Variants in RB1 observed in about 807,000 individuals in gnomAD.
The protein encoded by RB1 is RB transcriptional corepressor 1, also known as retinoblastoma-associated protein.
In RB1, 18 loss-of-function variants were observed where a neutral mutation model predicts 135.4. The ratio of observed to expected loss-of-function variants is 0.13; its 90% CI spans 0.09 to 0.20. The LOEUF (loss-of-function observed/expected upper bound fraction) is 0.20, where lower values mean the gene tolerates loss of function less well. RB1 is among the 10% of genes least tolerant of loss of function. The pLI is 1.00. For synonymous variants in RB1, 365 were observed against 373.2 expected (o/e 0.98, Z 0.25); for missense variants, 868 against 1,110.0 (o/e 0.78, Z 3.10).
chr13:48,459,681 C>T lies in RB1; in HGVS notation c.1961-7C>T, dbSNP rs371894780. 1.2e-6 allele frequency: 2 copies of T among 1,613,820 alleles called. No individual in the cohort carries two copies. Among genetic ancestry groups the T allele is most frequent in the African/African-American group, 2.7e-5 (2 of 74,848 alleles). Reference sequence around the variant, plus strand: ...GTAAAAATGACTAATTTTTCTTATTCCCACAGTGTATCGGCTAGCCTATCT... The same window carrying T: ...GTAAAAATGACTAATTTTTCTTATTTCCACAGTGTATCGGCTAGCCTATCT... On this transcript the variant is annotated splice_region_variant and splice_polypyrimidine_tract_variant and intron_variant, in intron 19 of 26. Coordinates refer to ENST00000267163, the MANE Select transcript of RB1 (RefSeq NM_000321.3).
intron 6 of RB1, among the ~76,000 whole-genome samples, chr13:48,353,071 A>G (rs546037737): frequency 6.6e-6 from 1 of 152,288 alleles, no homozygotes; most frequent in South Asian, 2.1e-4. Context: ...ATAAGAGCAA[A>G]TCAAACCCAA....
Position 48,303,800 on chromosome 13 carries a change from A to G in RB1, c.-113A>G, listed in dbSNP as rs1197322189. The stretch of plus-strand genomic sequence containing the variant: ...TCCGGTTTTTCTCAGGGGACGTTGA[A>G]ATTATTTTTGTAACGGGAGTCGGGA... On this transcript the variant is annotated 5_prime_UTR_variant, in exon 1 of 27. Transcript: ENST00000267163. 3 of 1,426,342 alleles carry G rather than the reference A, an allele frequency of 2.1e-6. No homozygotes were observed. Among genetic ancestry groups the G allele is most frequent in the East Asian group, 6.0e-5 (2 of 33,152 alleles). The allele number at this position is 1,426,342 out of a possible 1,614,324, so 88.4% of individuals were successfully genotyped here. A position where few individuals can be genotyped will look rare whatever the true frequency, so the allele number is the denominator to read the frequency against.
chr13:48,477,851 CAA>C (rs1215436697), intron 26 of RB1, among the ~76,000 whole-genome samples: 4 of 152,066 alleles, frequency 2.6e-5, no homozygotes, highest in African/African-American at 9.7e-5. Context: ...CAATTTCAAA[CAA>C]AAGTTTCCAT....
intron 17 of RB1, chr13:48,408,714 T>C (rs1455489526): frequency 6.6e-6 from 1 of 152,226 alleles, no homozygotes; most frequent in Non-Finnish European, 1.5e-5. Flanking sequence ...GTTTGTTATC[T>C]GTTATGTATT....
chr13:48,317,337 C>G (rs916408896), intron 2 of RB1: 3 of 389,708 alleles, frequency 7.7e-6, no homozygotes, highest in African/African-American at 6.2e-5. Context: ...CTTTCCCGCT[C>G]CCGACGCCCC....
chr13:48,381,608 A>G (rs1948536938), intron 17 of RB1, among the ~76,000 whole-genome samples, 165 bp downstream of exon 17: 1 of 152,210 alleles, frequency 6.6e-6, no homozygotes, highest in Non-Finnish European at 1.5e-5. Context: ...ATTAGAATGG[A>G]GCTTTAATCG....
intron 7 of RB1, among the ~76,000 whole-genome samples, chr13:48,361,751 C>T (rs200015923): frequency 1.3e-5 from 2 of 151,900 alleles, no homozygotes; most frequent in Non-Finnish European, 2.9e-5. Flanking sequence ...AAAAGTTTCT[C>T]TTCCATCCTT....
rs143095540 is a variant in RB1 at position 48,430,611 on chromosome 13, G to A, written c.1696-22382G>A. 9.7e-3 allele frequency among the ~76,000 whole-genome samples: 1,474 copies of A among 152,186 alleles called. 13 individuals carry two copies. The highest frequency in any genetic ancestry group is 0.015 in the Non-Finnish European group (1,032 of 67,988). ...AAAAATTAGCTGGGCATGGTGGCAC[G>A]TGCCTGTAGTCCCAGATACTCGGAA... is the stretch of plus-strand genomic sequence containing the variant. On this transcript the variant is annotated intron_variant, in intron 17 of 26. Coordinates refer to ENST00000267163, the MANE Select transcript of RB1 (RefSeq NM_000321.3).
rs776037881 is a variant in RB1, at chr13:48,368,512, C to T, written c.1050-15C>T. On this transcript the variant is annotated splice_polypyrimidine_tract_variant and intron_variant, in intron 10 of 26. Coordinates refer to ENST00000267163, the MANE Select transcript of RB1 (RefSeq NM_000321.3). ...AATTTTCAGTATGTGAATGACTTCA[C>T]TTATTGTTATTTAGTTTTGAAACAC... The T allele has an allele frequency of 1.1e-5, 18 of 1,612,710 alleles. No individual in the cohort carries two copies. Among genetic ancestry groups the T allele is most frequent in the Non-Finnish European group, 1.4e-5 (17 of 1,179,422 alleles).
intron 2 of RB1, chr13:48,320,608 G>A (rs1952226617): frequency 5.6e-6 from 2 of 354,874 alleles, no homozygotes; most frequent in South Asian, 2.8e-5. Flanking sequence ...CGAGGCGGGC[G>A]GATCGCGAGG....
At chr13:48,407,959 A>G (rs369733669) in intron 17 of RB1, among the ~76,000 whole-genome samples, 1 of 152,160 alleles carries the variant, frequency 6.6e-6, no homozygotes, top group South Asian at 2.1e-4. Context: ...AATTTAATAT[A>G]TTGACAAAGG....
chr13:48,479,371 C>T (rs1326166282), intron 26 of RB1, among the ~76,000 whole-genome samples: 2 of 152,174 alleles, frequency 1.3e-5, no homozygotes, highest in African/African-American at 2.4e-5. Flanking sequence ...CTGGGCCAGC[C>T]GAGTATTCTA....
chr13:48,342,293 AT>A (rs967500338), intron 2 of RB1, among the ~76,000 whole-genome samples: 14 of 151,896 alleles, frequency 9.2e-5, no homozygotes, highest in African/African-American at 3.4e-4. Context: ...GTGACATTGG[AT>A]TATTGAAAAA....
chr13:48,319,479 A>T lies in RB1; in HGVS notation c.264+12073A>T. On this transcript the variant is annotated intron_variant, in intron 2 of 26. Transcript: ENST00000267163. The surrounding 1 kb of genome is among the most constrained non-coding windows in gnomAD (Gnocchi z 5.0). ...TCTCAGGGCGCCAGCGCTCCTCTTG[A>T]CCCCGCTTTTATTCTGTGGTGCTTC... The T allele has an allele frequency of 3.4e-6, 1 of 297,840 alleles. No homozygotes were observed. Among genetic ancestry groups the T allele is most frequent in the Non-Finnish European group, 6.5e-6 (1 of 155,012 alleles). The allele number at this position is 297,840 out of a possible 1,614,324, so 18.4% of individuals were successfully genotyped here.
chr13:48,316,423 CA>C (rs537926939), intron 2 of RB1, among the ~76,000 whole-genome samples: 239 of 152,006 alleles, frequency 1.6e-3, no homozygotes, highest in African/African-American at 5.6e-3. Flanking sequence ...AGCAATCAAC[CA>C]AAAAACATCA....
At position 48,344,928 on chromosome 13, in the gene RB1, A is replaced by G. The variant is rs3092899; in HGVS notation, c.381-152A>G. ...TAGAGGTGTAAGTTGAAGGCTAATT[A>G]TTTTTGCAAAAAGTAATTCCTTCCA... On this transcript the variant is annotated intron_variant, in intron 3 of 26. Transcript: ENST00000267163. The G allele has an allele frequency of 0.046, 41,449 of 899,198 alleles. 4,168 individuals carry two copies. The highest frequency in any genetic ancestry group is 0.33 in the African/African-American group (19,706 of 59,238). The allele number at this position is 899,198 out of a possible 1,614,324, so 55.7% of individuals were successfully genotyped here.
chr13:48,430,765 CA>C (rs58163880), intron 17 of RB1, among the ~76,000 whole-genome samples: 128,293 of 150,012 alleles, frequency 0.86, 56,808 homozygotes, highest in Non-Finnish European at 0.97. Flanking sequence ...AACAAACAAA[CA>C]AAAAAAAAAA....
At chr13:48,388,837 G>T (rs1297036896) in intron 17 of RB1, among the ~76,000 whole-genome samples, 4 of 152,118 alleles carry the variant, frequency 2.6e-5, no homozygotes, top group African/African-American at 9.7e-5. Flanking sequence ...CAGCCAGGAA[G>T]ATAAGAAGAA....
rs1039287620 is a variant in RB1, at chr13:48,317,220, C to G, written c.264+9814C>G. 31 of 430,258 alleles carry G rather than the reference C, an allele frequency of 7.2e-5. 1 individual carries two copies. The highest frequency in any genetic ancestry group is 8.4e-5 in the East Asian group (2 of 23,926). 26.7% of individuals were successfully genotyped at this position (430,258 alleles called of 1,614,324 possible). On this transcript the variant is annotated intron_variant, in intron 2 of 26. Coordinates refer to ENST00000267163, the MANE Select transcript of RB1 (RefSeq NM_000321.3). ...CTGAAGAGGCTGGCCTGCCTGCCCC[C>G]CTGGGAGACACCCTTTCCAAAATGG...
Sources: allele counts gnomAD v4.1 joint callset (sites outside exome capture counted in the v4.1 genomes callset), GRCh38; gene constraint gnomAD v4.1.1; non-coding constraint Gnocchi (gnomAD v3.1); transcripts MANE v1.5; gene names NCBI Gene and HGNC (gene_info 2026-07-23, HGNC 2026-07-21).